The following EPHA10 variants were observed in gnomAD, a reference collection of about 807,000 sequenced individuals.
EPHA10 encodes the protein EPH receptor A10, also known as ephrin type-A receptor 10.
A neutral mutation model predicts 109.7 loss-of-function variants in EPHA10; 120 were observed. That is an observed-to-expected ratio of 1.09 (90% CI 0.94 to 1.27). The LOEUF (loss-of-function observed/expected upper bound fraction) is 1.27. Among genes scored for constraint, EPHA10 ranks in the 50% most tolerant of loss-of-function variants. The pLI, the probability that EPHA10 is intolerant of heterozygous loss-of-function variation, is 0.00. For synonymous variants in EPHA10, 640 were observed against 618.9 expected (o/e 1.03, Z -0.51); for missense variants, 1,396 against 1,411.1 (o/e 0.99, Z 0.17).
chr1:37,718,325 G>C lies in EPHA10; in HGVS notation c.*47C>G. The C allele has an allele frequency of 1.3e-6, 2 of 1,496,276 alleles. No homozygotes were observed. The highest frequency in any genetic ancestry group is 1.8e-6 in the Non-Finnish European group (2 of 1,096,392). The allele number at this position is 1,496,276 out of a possible 1,614,324, so 92.7% of individuals were successfully genotyped here. ...TGCCACGGTCCTTGGGCAGGGCTGG[G>C]GGACTGGACCCCCACCGGAGTCCTG... On this transcript the variant is annotated 3_prime_UTR_variant, in exon 17 of 17. Coordinates refer to ENST00000373048, the MANE Select transcript of EPHA10 (RefSeq NM_001099439.2).
chr1:37,744,372 T>C (rs1646199564), intron 5 of EPHA10, among the ~76,000 whole-genome samples: 1 of 150,764 alleles, frequency 6.6e-6, no homozygotes, highest in Non-Finnish European at 1.5e-5. Context: ...AAAAAAAAAT[T>C]AGCTGGGTGC....
chr1:37,754,598 C>T lies in EPHA10; in HGVS notation c.851-228G>A, dbSNP rs957268530. Among the ~76,000 whole-genome samples the T allele has an allele frequency of 8.6e-5, 13 of 151,786 alleles. No homozygotes were observed. Among genetic ancestry groups the T allele is most frequent in the Admixed American group, 6.6e-5 (1 of 15,234 alleles). ...AACTTTGAAACATTTTACTTTCAGC[C>T]GGGCGCGGTGGCTCATGCCTGTAAT... On this transcript the variant is annotated intron_variant, in intron 3 of 16. Transcript: ENST00000373048. The surrounding 1 kb of genome is among the most constrained non-coding windows in gnomAD (Gnocchi z 4.5).
At chr1:37,723,580 G>A (rs1255220844) in intron 8 of EPHA10, among the ~76,000 whole-genome samples, 11 of 152,136 alleles carry the variant, frequency 7.2e-5, no homozygotes, top group South Asian at 2.1e-4. Context: ...AGACCAAACC[G>A]TCACCACCAC....
At position 37,718,328 on chromosome 1, in the gene EPHA10, A is replaced by G; in HGVS notation, c.*44T>C. Reference sequence around the variant, plus strand: ...CACGGTCCTTGGGCAGGGCTGGGGGACTGGACCCCCACCGGAGTCCTGCCT... The same window carrying G: ...CACGGTCCTTGGGCAGGGCTGGGGGGCTGGACCCCCACCGGAGTCCTGCCT... On this transcript the variant is annotated 3_prime_UTR_variant, in exon 17 of 17. Coordinates refer to ENST00000373048, the MANE Select transcript of EPHA10 (RefSeq NM_001099439.2). The G allele has an allele frequency of 6.8e-7, 1 of 1,481,068 alleles. No individual in the cohort carries two copies. Among genetic ancestry groups the G allele is most frequent in the Non-Finnish European group, 9.3e-7 (1 of 1,080,784 alleles). 91.7% of individuals were successfully genotyped at this position (1,481,068 alleles called of 1,614,324 possible).
chr1:37,737,502 A>G (rs1646088018), intron 5 of EPHA10, among the ~76,000 whole-genome samples: 1 of 152,244 alleles, frequency 6.6e-6, no homozygotes, highest in African/African-American at 2.4e-5. Context: ...AGGTTATGCT[A>G]TGCAGAAAGG....
In EPHA10 at chr1:37,721,761, C is replaced by G; in HGVS notation, c.2045G>C (p.Ser682Thr). The change falls in exon 11 of 17, where the codon AGC (serine) becomes ACC (threonine). Residue 682 changes from serine (S) to threonine (T), a missense_variant. Coordinates refer to ENST00000373048, the MANE Select transcript of EPHA10 (RefSeq NM_001099439.2). ...LLVAVHMLRD[S>T]ASDSQRLGFL... ...GCCGAGCCTCTGTGAGTCGGAGGCG[C>G]TGTCCCTCAGCATATGCACGGCTAC... 6.2e-7 allele frequency: 1 copy of G among 1,612,666 alleles called. No individual in the cohort carries two copies. The highest frequency in any genetic ancestry group is 1.7e-5 in the Admixed American group (1 of 59,990).
At chr1:37,740,886 G>A (rs1646143131) in intron 5 of EPHA10, among the ~76,000 whole-genome samples, 1 of 152,126 alleles carries the variant, frequency 6.6e-6, no homozygotes, top group South Asian at 2.1e-4. Flanking sequence ...CAGGGAAAAC[G>A]CATAAAAAGA....
intron 7 of EPHA10, among the ~76,000 whole-genome samples, chr1:37,728,833 G>A (rs971273954): frequency 1.3e-5 from 2 of 152,184 alleles, no homozygotes; most frequent in African/African-American, 4.8e-5. Context: ...CTGAGGGTCT[G>A]GGTGGGGATA....
At position 37,718,425 on chromosome 1, in the gene EPHA10, T is replaced by C. The variant is rs1450059103; in HGVS notation, c.2974A>G (p.Ser992Gly). 17 of 1,613,288 alleles carry C rather than the reference T, an allele frequency of 1.1e-5. No homozygotes were observed. The highest frequency in any genetic ancestry group is 1.4e-5 in the Non-Finnish European group (17 of 1,179,988). ...EHREALLSGI[S>G]ALQARVLQLQ... is the part of the protein sequence containing the mutation. ...TGGAGCACTCGTGCCTGCAGGGCGC[T>C]GATCCCGCTGAGGAGGGCCTCTCGA... Residue 992 changes from serine to glycine, a missense_variant, in exon 17 of 17, where the codon AGC becomes GGC. Physicochemically the swap from Ser to Gly is moderately conservative, Grantham distance 56 (BLOSUM62 0). Transcript: ENST00000373048.
chr1:37,718,522 C>T (rs201522666), intron 16 of EPHA10, 36 bp from the exon 17 acceptor site: 1 of 1,600,998 alleles, frequency 6.2e-7, no homozygotes, highest in Non-Finnish European at 8.6e-7. Flanking sequence ...GCTGGCTTGT[C>T]CCCAACTTCT....
At chr1:37,735,135 C>A in intron 6 of EPHA10, 122 bp downstream of exon 6, 1 of 1,308,750 alleles carries the variant, frequency 7.6e-7, no homozygotes, top group Admixed American at 2.1e-5. Context: ...CCCTAGGAGA[C>A]GGGTGGTTAT....
At chr1:37,725,747 G>A (rs1276817278) in intron 8 of EPHA10, among the ~76,000 whole-genome samples, 2 of 152,124 alleles carry the variant, frequency 1.3e-5, no homozygotes, top group Non-Finnish European at 2.9e-5. Context: ...GTGGATGGAG[G>A]AGCGAAAGAG....
At position 37,723,147 on chromosome 1, in the gene EPHA10, G is replaced by T. The variant is rs766363522; in HGVS notation, c.1854C>A (p.Arg618=). ...LYFHFKVPTR[R]TFLDPQSCGD... ...CACAGCTCTGGGGGTCCAGGAATGT[G>T]CGACGTGTTGGGACTTTGACTGGGA... The change falls in exon 10 of 17, where the codon CGC becomes CGA. Residue 618 remains arginine (R), a synonymous_variant. Transcript: ENST00000373048. 4.3e-6 allele frequency: 7 copies of T among 1,613,996 alleles called. 1 individual carries two copies. The highest frequency in any genetic ancestry group is 3.3e-4 in the Middle Eastern group (2 of 6,062).
chr1:37,716,506 AC>A lies in EPHA10; in HGVS notation c.*1865del. ...GTAGCAACATCTTGGTCTCCCCAGT[AC>A]CCCCAGAGTCACTGAGCTGGGGCAG... On this transcript the variant is annotated 3_prime_UTR_variant, in exon 17 of 17. Transcript: ENST00000373048. 4.3e-6 allele frequency: 1 copy of A among 231,918 alleles called. No individual in the cohort carries two copies. The highest frequency in any genetic ancestry group is 8.5e-6 in the Non-Finnish European group (1 of 117,322). The allele number at this position is 231,918 out of a possible 1,614,324, so 14.4% of individuals were successfully genotyped here.
In EPHA10 at chr1:37,721,733, G is replaced by A; in HGVS notation, c.2073C>T (p.Phe691=). The A allele has an allele frequency of 1.2e-6, 2 of 1,612,394 alleles. No individual in the cohort carries two copies. Among genetic ancestry groups the A allele is most frequent in the Non-Finnish European group, 1.7e-6 (2 of 1,179,818 alleles). ...GGCCCAGCGTGAGGGCCTCGGCCAG[G>A]AAGCCGAGCCTCTGTGAGTCGGAGG... ...DSASDSQRLG[F]LAEALTLGQF... Residue 691 remains phenylalanine, a synonymous_variant, in exon 11 of 17, where the codon TTC becomes TTT. Transcript: ENST00000373048.
In EPHA10 at chr1:37,721,376, C is replaced by A. The variant is rs535642034; in HGVS notation, c.2146+284G>T. 7.0e-4 allele frequency among the ~76,000 whole-genome samples: 103 copies of A among 147,018 alleles called. No individual in the cohort carries two copies. In the East Asian group the frequency reaches 0.018, roughly 26 times the overall value. On this transcript the variant is annotated intron_variant, in intron 11 of 16. Transcript: ENST00000373048. ...CCAGGAGGCAGAGCTTGCAGTGAGCCGAGATCTCACCACTGCACTCTAGCC... is the reference window on the plus strand; with the variant it reads ...CCAGGAGGCAGAGCTTGCAGTGAGCAGAGATCTCACCACTGCACTCTAGCC...
Position 37,719,974 on chromosome 1 carries a change from C to T in EPHA10, c.2497G>A (p.Gly833Ser), listed in dbSNP as rs780441627. Residue 833 changes from glycine to serine, a missense_variant, in exon 14 of 17, where the codon GGC (glycine) becomes AGC (serine). Gly to Ser is a moderately conservative substitution (Grantham distance 56). Coordinates refer to ENST00000373048, the MANE Select transcript of EPHA10 (RefSeq NM_001099439.2). The stretch of plus-strand genomic sequence containing the variant: ...GCCATCACCTCCCACATGATGATGC[C>T]GAAGCTCCACACGTCACTGGCAGAG... The part of the protein sequence containing the change: ...FSSASDVWSF[G>S]IIMWEVMAFG... 8.1e-6 allele frequency: 13 copies of T among 1,613,960 alleles called. No homozygotes were observed. Among genetic ancestry groups the T allele is most frequent in the Admixed American group, 3.3e-5 (2 of 60,010 alleles).
At chr1:37,726,502 G>A (rs961679284) in intron 8 of EPHA10, among the ~76,000 whole-genome samples, 6 of 152,228 alleles carry the variant, frequency 3.9e-5, no homozygotes, top group Non-Finnish European at 8.8e-5. Context: ...GTGGCCCTGG[G>A]GAGAAGGGGA....
rs1362067500 is a variant in EPHA10 at position 37,731,452 on chromosome 1, T to C, written c.1622A>G (p.Gln541Arg). Residue 541 changes from glutamine to arginine, a missense_variant, in exon 7 of 17, where the codon CAG becomes CGG. Coordinates refer to ENST00000373048, the MANE Select transcript of EPHA10 (RefSeq NM_001099439.2). ...TACTTCAATGCTGGGGTTAAAACTC[T>C]GGGCCTCCCAGGATGGCCCCGGGGA... ...AASPGPSWEA[Q>R]SFNPSIEVQT... is the part of the protein sequence containing the mutation. 1.2e-6 allele frequency: 2 copies of C among 1,613,592 alleles called. No individual in the cohort carries two copies. The highest frequency in any genetic ancestry group is 3.3e-5 in the Admixed American group (2 of 59,956).
Sources: gnomAD v4.1 joint callset for allele counts (sites outside exome capture counted in the v4.1 genomes callset) on GRCh38, gnomAD v4.1.1 for gene constraint, Gnocchi (gnomAD v3.1) non-coding constraint, MANE v1.5 for transcripts, NCBI Gene and HGNC (gene_info 2026-07-23, HGNC 2026-07-21) for gene names.